The following FSHR variants were observed in gnomAD, a reference collection of about 807,000 sequenced individuals.
FSHR encodes the protein follicle-stimulating hormone receptor.
In FSHR, 46 loss-of-function variants were observed where a neutral mutation model predicts 52.1. That is an observed-to-expected ratio of 0.88 (90% CI 0.70 to 1.13). FSHR has a LOEUF of 1.13. Among genes scored for constraint, FSHR ranks in the 50% most tolerant of loss-of-function variants. FSHR has a pLI of 0.00. For missense variants in FSHR, 964 were observed against 834.6 expected, an observed-to-expected ratio of 1.16 and a Z score of -1.91; for synonymous variants, 399 against 309.6, an observed-to-expected ratio of 1.29 and a Z score of -3.03.
chr2:48,973,227 C>T (rs937142719), intron 8 of FSHR, among the ~76,000 whole-genome samples: 5 of 151,486 alleles, frequency 3.3e-5, no homozygotes, highest in Non-Finnish European at 7.4e-5. Flanking sequence ...AATGAGAACC[C>T]GTATGGACAG....
intron 1 of FSHR, among the ~76,000 whole-genome samples, chr2:49,139,119 T>C (rs1303834074): frequency 6.6e-6 from 1 of 152,186 alleles, no homozygotes; most frequent in African/African-American, 2.4e-5. Context: ...AGGTAGTATA[T>C]ACTGTCTCAA....
intron 1 of FSHR, among the ~76,000 whole-genome samples, chr2:49,114,862 C>T (rs10495964): frequency 0.22 from 32,776 of 151,786 alleles, 4,290 homozygotes; most frequent in East Asian, 0.48. Flanking sequence ...ATCATACAAC[C>T]TTTGTGGTAG....
At chr2:49,025,957 A>T (rs1006492203) in intron 2 of FSHR, among the ~76,000 whole-genome samples, 1 of 152,182 alleles carries the variant, frequency 6.6e-6, no homozygotes, top group Non-Finnish European at 1.5e-5. Flanking sequence ...GAGAGGCTCA[A>T]TTCAAGGTGG....
At chr2:49,141,722 G>A (rs748114047) in intron 1 of FSHR, among the ~76,000 whole-genome samples, 7 of 152,120 alleles carry the variant, frequency 4.6e-5, no homozygotes, top group Non-Finnish European at 1.0e-4. Context: ...TAATACATAA[G>A]TTCTGTATTA....
intron 4 of FSHR, among the ~76,000 whole-genome samples, chr2:49,012,265 T>C (rs1449296482): frequency 2.0e-5 from 3 of 152,122 alleles, no homozygotes; most frequent in African/African-American, 7.2e-5. Flanking sequence ...TAGACAATCT[T>C]TCATACACAA....
At chr2:49,063,327 T>C (rs1443452790) in intron 2 of FSHR, among the ~76,000 whole-genome samples, 1 of 152,188 alleles carries the variant, frequency 6.6e-6, no homozygotes, top group Non-Finnish European at 1.5e-5. Flanking sequence ...GCTGTAAATA[T>C]GTCAAAGACC....
intron 1 of FSHR, among the ~76,000 whole-genome samples, chr2:49,149,865 A>G (rs996862046): frequency 3.9e-5 from 6 of 152,092 alleles, no homozygotes; most frequent in Admixed American, 1.3e-4. Context: ...GGAACTTGCT[A>G]TAAGGACAAG....
At chr2:49,145,476 T>C (rs1672837686) in intron 1 of FSHR, among the ~76,000 whole-genome samples, 1 of 151,982 alleles carries the variant, frequency 6.6e-6, no homozygotes, top group Admixed American at 6.6e-5. Context: ...AGAAGGCAAA[T>C]CTAGATGGGA....
chr2:49,003,676 A>G (rs1253485981), intron 4 of FSHR, among the ~76,000 whole-genome samples: 2 of 152,152 alleles, frequency 1.3e-5, no homozygotes, highest in Non-Finnish European at 2.9e-5. Context: ...GGCGAGGACC[A>G]GGTGCAAGCA....
rs1044887711 is a variant in FSHR, at chr2:48,975,486, T to C, written c.669-6603A>G. Reference sequence around the variant, plus strand: ...CTTGTTGACACAGGCACGTCAGGCCTCTTGCTTGGACTGAGAATTAGATGG... The same window carrying C: ...CTTGTTGACACAGGCACGTCAGGCCCCTTGCTTGGACTGAGAATTAGATGG... On this transcript the variant is annotated intron_variant, in intron 8 of 9. Transcript: ENST00000406846. Among the ~76,000 whole-genome samples, 8 of 152,144 alleles carry C rather than the reference T, an allele frequency of 5.3e-5. No individual in the cohort carries two copies. The East Asian group carries it at 1.4e-3, about 26-fold the overall frequency.
intron 1 of FSHR, among the ~76,000 whole-genome samples, chr2:49,127,751 T>TTTCTTCTTCTTCTTCTTCTTCTTC (rs1345639633): frequency 3.9e-5 from 3 of 77,526 alleles, no homozygotes; most frequent in African/African-American, 1.8e-4. Flanking sequence ...CTTCTTCTTC[T>TTTCTTCTTCTTCTTCTTCTTCTTC]TTCTTCTTCT....
intron 1 of FSHR, among the ~76,000 whole-genome samples, chr2:49,119,561 G>A (rs1671729343): frequency 6.6e-6 from 1 of 151,810 alleles, no homozygotes; most frequent in African/African-American, 2.4e-5. Context: ...TAGATCCTTG[G>A]TTTGTTTCGC....
rs759028554 is a variant in FSHR at position 48,962,359 on chromosome 2, G to C, written c.*374C>G. The C allele has an allele frequency of 6.3e-5, 16 of 255,524 alleles. No individual in the cohort carries two copies. The highest frequency in any genetic ancestry group is 3.0e-4 in the African/African-American group (13 of 43,918). The allele number at this position is 255,524 out of a possible 1,614,324, so 15.8% of individuals were successfully genotyped here. A position where few individuals can be genotyped will look rare whatever the true frequency, so the allele number is the denominator to read the frequency against. On this transcript the variant is annotated 3_prime_UTR_variant, in exon 10 of 10. Transcript: ENST00000406846. ...TTACAAACTAAACAATTTTGAACAA[G>C]TCACTTAACTCTTTGAGTCGTGGTT...
chr2:48,985,343 G>A (rs1039300126), intron 6 of FSHR, among the ~76,000 whole-genome samples: 11 of 152,154 alleles, frequency 7.2e-5, no homozygotes, highest in East Asian at 1.9e-4. Flanking sequence ...CAAGGGAGAC[G>A]GGCAGACTGA....
intron 2 of FSHR, among the ~76,000 whole-genome samples, chr2:49,057,604 A>T (rs1269154696): frequency 2.6e-5 from 4 of 152,198 alleles, no homozygotes; most frequent in African/African-American, 9.6e-5. Context: ...GAACCTTTGA[A>T]AAATAATTAA....
intron 4 of FSHR, chr2:49,014,636 G>C: frequency 3.7e-6 from 1 of 267,942 alleles, no homozygotes; most frequent in Non-Finnish European, 7.3e-6. Context: ...GGTCAATGAT[G>C]AGGTCAAATT....
At chr2:49,073,285 T>C (rs1040159976) in intron 1 of FSHR, among the ~76,000 whole-genome samples, 3 of 152,060 alleles carry the variant, frequency 2.0e-5, no homozygotes, top group African/African-American at 7.2e-5. Flanking sequence ...ACTTGCAGAT[T>C]ACATGATCTT....
intron 1 of FSHR, among the ~76,000 whole-genome samples, chr2:49,139,965 G>T (rs1216836148): frequency 6.6e-6 from 1 of 152,118 alleles, no homozygotes; most frequent in Admixed American, 6.5e-5. Context: ...TCCAAGAATT[G>T]ATTTATTAAT....
intron 2 of FSHR, among the ~76,000 whole-genome samples, chr2:49,060,094 G>C (rs1669228430): frequency 6.6e-6 from 1 of 151,950 alleles, no homozygotes; most frequent in Non-Finnish European, 1.5e-5. Flanking sequence ...CACATATATG[G>C]AAAAATGCTC....
Sources: allele counts gnomAD v4.1 joint callset (sites outside exome capture counted in the v4.1 genomes callset), GRCh38; gene constraint gnomAD v4.1.1; transcripts MANE v1.5; gene names NCBI Gene and HGNC (gene_info 2026-07-23, HGNC 2026-07-21).